GALNT5: variants seen among roughly 807,000 people sequenced by gnomAD.
The protein encoded by GALNT5 is UDP-GalNAc:polypeptide N-acetylgalactosaminyltransferase 5.
GALNT5 carries 72 observed loss-of-function variants against 85.4 expected under a neutral mutation model. The ratio of observed to expected loss-of-function variants is 0.84; its 90% confidence interval spans 0.70 to 1.03. The LOEUF is 1.03. Ranked by LOEUF, GALNT5 falls within the 50% of genes least tolerant of loss-of-function variation. The pLI is 0.00. For missense variants in GALNT5, 1,137 were observed against 1,135.5 expected, an observed-to-expected ratio of 1.00 and a Z score of -0.02; for synonymous variants, 404 against 397.0, an observed-to-expected ratio of 1.02 and a Z score of -0.21.
Position 157,314,850 on chromosome 2 carries a change from T to C in GALNT5, c.*3502T>C, listed in dbSNP as rs559685350. On this transcript the variant is annotated 3_prime_UTR_variant, in exon 10 of 10. Transcript: ENST00000259056. The stretch of plus-strand genomic sequence containing the variant: ...ATCCTAGCACTTTAGGAGGCCAAGG[T>C]GGGTGGATCATGAGGTCAGGAGTTC... Among the ~76,000 whole-genome samples, 1 of 152,106 alleles carries C rather than the reference T, an allele frequency of 6.6e-6. No homozygotes were observed. The highest frequency in any genetic ancestry group is 2.1e-4 in the South Asian group (1 of 4,808).
At chr2:157,293,609 G>C (rs913262212) in intron 3 of GALNT5, among the ~76,000 whole-genome samples, 1 of 152,178 alleles carries the variant, frequency 6.6e-6, no homozygotes, top group African/African-American at 2.4e-5. Flanking sequence ...CTATCTCCAA[G>C]AACAGAAGAC....
Position 157,314,872 on chromosome 2 carries a change from G to A in GALNT5, c.*3524G>A, listed in dbSNP as rs1208980794. ...AGGTGGGTGGATCATGAGGTCAGGA[G>A]TTCAAGACCAGCCTGGGCAACATGG... On this transcript the variant is annotated 3_prime_UTR_variant, in exon 10 of 10. Transcript: ENST00000259056. Among the ~76,000 whole-genome samples, 1 of 152,148 alleles carries A rather than the reference G, an allele frequency of 6.6e-6. No individual in the cohort carries two copies. The highest frequency in any genetic ancestry group is 2.4e-5 in the African/African-American group (1 of 41,442).
intron 1 of GALNT5, among the ~76,000 whole-genome samples, chr2:157,260,775 T>C (rs1682319373): frequency 6.6e-6 from 1 of 152,222 alleles, no homozygotes; most frequent in South Asian, 2.1e-4. Context: ...TTCATTGTGA[T>C]GTCGGCTACA....
At chr2:157,292,525 G>A (rs1683122308) in intron 3 of GALNT5, among the ~76,000 whole-genome samples, 1 of 152,120 alleles carries the variant, frequency 6.6e-6, no homozygotes, top group African/African-American at 2.4e-5. Context: ...ATTTTCATAG[G>A]GATCTGGGCC....
rs771259157 is a variant in GALNT5, at chr2:157,258,943, C to T, written c.861C>T (p.Arg287=). ...CTAAGTTCACTGTCAATTCAAATCGCTTAAGGAAGCAATCTATTAATGAGA... is the reference window on the plus strand; with the variant it reads ...CTAAGTTCACTGTCAATTCAAATCGTTTAAGGAAGCAATCTATTAATGAGA... ...PFPKFTVNSN[R]LRKQSINETP... is the part of the protein sequence containing the mutation. Residue 287 remains arginine (R), a synonymous_variant, in exon 1 of 10, where the codon CGC becomes CGT. Transcript: ENST00000259056. 1.3e-6 allele frequency: 2 copies of T among 1,531,020 alleles called. No individual in the cohort carries two copies. The highest frequency in any genetic ancestry group is 1.8e-6 in the Non-Finnish European group (2 of 1,142,518). 94.8% of individuals were successfully genotyped at this position (1,531,020 alleles called of 1,614,324 possible).
chr2:157,288,027 C>A (rs928449096), intron 3 of GALNT5, among the ~76,000 whole-genome samples: 1 of 152,210 alleles, frequency 6.6e-6, no homozygotes, highest in Non-Finnish European at 1.5e-5. Flanking sequence ...CCTGAATGCC[C>A]TGACCCCAGA....
chr2:157,283,726 G>C lies in GALNT5; in HGVS notation c.1455-556G>C, dbSNP rs777516142. On this transcript the variant is annotated intron_variant, in intron 1 of 9. Coordinates refer to ENST00000259056, the MANE Select transcript of GALNT5 (RefSeq NM_014568.3). ...AAATAAGTCAGAATGCTATCTTCTA[G>C]CATATAATCTAGTAATGATAGCAAT... Among the ~76,000 whole-genome samples, 33 of 152,132 alleles carry C rather than the reference G, an allele frequency of 2.2e-4. 1 individual carries two copies. The highest frequency in any genetic ancestry group is 4.0e-4 in the Non-Finnish European group (27 of 68,034).
intron 1 of GALNT5, among the ~76,000 whole-genome samples, chr2:157,276,696 C>A (rs1384671528): frequency 1.3e-5 from 2 of 152,070 alleles, no homozygotes. Context: ...TTTATTGCAT[C>A]TATTTGATTC....
intron 9 of GALNT5, 137 bp from the exon 10 acceptor site, chr2:157,311,071 T>A: frequency 1.4e-6 from 1 of 713,434 alleles, no homozygotes; most frequent in East Asian, 2.6e-5. Context: ...GTGTTTATGT[T>A]AATAATTTAG....
rs188707309 is a variant in GALNT5, at chr2:157,287,423, C to T, written c.1741+1289C>T. 3.7e-3 allele frequency among the ~76,000 whole-genome samples: 568 copies of T among 152,134 alleles called. 2 individuals are homozygous for T. The highest frequency in any genetic ancestry group is 0.013 in the African/African-American group (533 of 41,498). On this transcript the variant is annotated intron_variant, in intron 3 of 9. Coordinates refer to ENST00000259056, the MANE Select transcript of GALNT5 (RefSeq NM_014568.3). Reference sequence around the variant, plus strand: ...CTCTTCCTCCCTTTCCCCTCAATCTCCCTCTCCCCTCCCTCTCATCCCCTC... The same window carrying T: ...CTCTTCCTCCCTTTCCCCTCAATCTTCCTCTCCCCTCCCTCTCATCCCCTC...
chr2:157,275,780 AT>A (rs1682710496), intron 1 of GALNT5, among the ~76,000 whole-genome samples: 1 of 152,236 alleles, frequency 6.6e-6, no homozygotes, highest in Admixed American at 6.5e-5. Flanking sequence ...AACAGGGACA[AT>A]TTGACTTCTT....
chr2:157,287,101 A>G (rs1682994472), intron 3 of GALNT5, among the ~76,000 whole-genome samples: 3 of 151,992 alleles, frequency 2.0e-5, no homozygotes, highest in Admixed American at 6.5e-5. Context: ...GGCATATAAT[A>G]TAACATAATA....
At position 157,258,620 on chromosome 2, in the gene GALNT5, C is replaced by T. The variant is rs757682527; in HGVS notation, c.538C>T (p.Gln180Ter). 1.2e-5 allele frequency: 20 copies of T among 1,613,660 alleles called. No individual in the cohort carries two copies. The highest frequency in any genetic ancestry group is 5.0e-5 in the Admixed American group (3 of 59,970). ...KTSFIAAKGT[Q>*]VVKISVHMGR... ...CTCATTCATAGCAGCAAAAGGAACTCAGGTAGTCAAAATATCAGTACACAT... is the reference window on the plus strand; with the variant it reads ...CTCATTCATAGCAGCAAAAGGAACTTAGGTAGTCAAAATATCAGTACACAT... Residue 180 changes from glutamine to a stop codon, truncating the protein, a stop_gained, in exon 1 of 10, where the codon CAG (glutamine) becomes TAG (stop). Transcript: ENST00000259056. LOFTEE classifies it high-confidence loss of function.
intron 1 of GALNT5, among the ~76,000 whole-genome samples, chr2:157,263,054 C>T (rs1447408731): frequency 2.6e-5 from 4 of 151,522 alleles, no homozygotes; most frequent in Admixed American, 6.6e-5. Context: ...GTCTCGATCT[C>T]CTGACCTCAT....
In GALNT5 at chr2:157,282,152, T is replaced by C. The variant is rs188256322; in HGVS notation, c.1455-2130T>C. 1.1e-3 allele frequency among the ~76,000 whole-genome samples: 173 copies of C among 152,336 alleles called. 1 individual carries two copies. Among genetic ancestry groups the C allele is most frequent in the Admixed American group, 3.6e-3 (55 of 15,306 alleles). On this transcript the variant is annotated intron_variant, in intron 1 of 9. Transcript: ENST00000259056. ...TAGATACCTGATCACTACATGAAGA[T>C]AGTGAATCAAAATGTGTTATTTTAA...
At chr2:157,306,734 A>AT (rs1454879170) in intron 8 of GALNT5, among the ~76,000 whole-genome samples, 7 of 152,130 alleles carry the variant, frequency 4.6e-5, no homozygotes, top group Non-Finnish European at 4.4e-5. Flanking sequence ...TACTGTTTAT[A>AT]TTTTTTGGTG....
intron 1 of GALNT5, among the ~76,000 whole-genome samples, chr2:157,263,053 T>G (rs965290774): frequency 2.5e-4 from 38 of 151,550 alleles, no homozygotes; most frequent in African/African-American, 9.1e-4. Context: ...GGTCTCGATC[T>G]CCTGACCTCA....
At chr2:157,305,414 T>C (rs1212269385) in intron 7 of GALNT5, among the ~76,000 whole-genome samples, 25 of 152,194 alleles carry the variant, frequency 1.6e-4, no homozygotes, top group Admixed American at 1.6e-3. Flanking sequence ...GTATATGCAT[T>C]AGATAAACTT....
chr2:157,311,334 T>C lies in GALNT5; in HGVS notation c.2809T>C (p.Tyr937His). 1 of 1,605,982 alleles carries C rather than the reference T, an allele frequency of 6.2e-7. No individual in the cohort carries two copies. The highest frequency in any genetic ancestry group is 8.5e-7 in the Non-Finnish European group (1 of 1,175,194). Residue 937 changes from tyrosine (Y) to histidine (H), a missense_variant, in exon 10 of 10, where the codon TAT becomes CAT. Tyr to His is a moderately conservative substitution (Grantham distance 83). Coordinates refer to ENST00000259056, the MANE Select transcript of GALNT5 (RefSeq NM_014568.3). ...ATATCAAAAGTGGAAATTTGAAAAA[T>C]ATTATGAAGCCTGAAGTGTAACTGA... is the stretch of plus-strand genomic sequence containing the variant. ...KPYQKWKFEK[Y>H]YEA
Sources: allele counts gnomAD v4.1 joint callset (sites outside exome capture counted in the v4.1 genomes callset), GRCh38; gene constraint gnomAD v4.1.1; transcripts MANE v1.5; gene names NCBI Gene and HGNC (gene_info 2026-07-23, HGNC 2026-07-21).